The following GLRB variants were observed in gnomAD, a reference collection of about 807,000 sequenced individuals.
The protein encoded by GLRB is glycine receptor subunit beta.
A neutral mutation model predicts 54.2 loss-of-function variants in GLRB; 33 were observed. The observed-to-expected ratio is 0.61, with a 90% CI of 0.46 to 0.81. The LOEUF is 0.81. Among genes scored for constraint, GLRB ranks in the 40% least tolerant of loss-of-function variants. The probability of loss-of-function intolerance (pLI) is 0.00; values close to 1 mark genes in which losing one functional copy is unlikely to be tolerated. For synonymous variants in GLRB, 209 were observed against 208.2 expected, an observed-to-expected ratio of 1.00 and a Z score of -0.03; for missense variants, 572 against 584.6, an observed-to-expected ratio of 0.98 and a Z score of 0.22.
intron 2 of GLRB, among the ~76,000 whole-genome samples, chr4:157,109,412 C>G (rs1198703643): frequency 6.6e-6 from 1 of 151,734 alleles, no homozygotes; most frequent in Non-Finnish European, 1.5e-5. Flanking sequence ...TAATGCCTAT[C>G]TTGGTCTGCT....
At chr4:157,092,272 G>A (rs2126454797) in intron 2 of GLRB, among the ~76,000 whole-genome samples, 1 of 152,268 alleles carries the variant, frequency 6.6e-6, no homozygotes, top group Non-Finnish European at 1.5e-5. Flanking sequence ...ATACATTTGT[G>A]ACCTAGAATA....
intron 2 of GLRB, among the ~76,000 whole-genome samples, chr4:157,110,340 G>GT (rs1560947681): frequency 6.6e-6 from 1 of 151,674 alleles, no homozygotes; most frequent in African/African-American, 2.4e-5. Context: ...TCACTCTTTT[G>GT]TTTTTTCTTT....
In GLRB at chr4:157,138,948, G is replaced by C. The variant is rs758271072; in HGVS notation, c.750G>C (p.Thr250=). The C allele has an allele frequency of 7.3e-7, 1 of 1,373,342 alleles. No homozygotes were observed. The highest frequency in any genetic ancestry group is 1.0e-6 in the Non-Finnish European group (1 of 962,938). 85.1% of individuals were successfully genotyped at this position (1,373,342 alleles called of 1,614,324 possible). A position where few individuals can be genotyped will look rare whatever the true frequency, so the allele number is the denominator to read the frequency against. ...YGNCTKYYKG[T]GYYTCVEVIF... ...ACTGTACAAAATACTATAAAGGCAC[G>C]GGTAAGTAATATTCTTTAAATAAAA... is the stretch of plus-strand genomic sequence containing the variant. The change falls in exon 7 of 10, where the codon ACG becomes ACC. Residue 250 remains threonine (T), a splice_region_variant and synonymous_variant. Transcript: ENST00000264428.
intron 9 of GLRB, among the ~76,000 whole-genome samples, chr4:157,160,311 GC>G (rs1737428134): frequency 6.6e-6 from 1 of 151,774 alleles, no homozygotes; most frequent in Non-Finnish European, 1.5e-5. Flanking sequence ...TTTTTGAAGG[GC>G]TTTTTGTGCC....
intron 8 of GLRB, 22 bp from the exon 9 acceptor site, chr4:157,152,696 A>T (rs747442351): frequency 1.2e-6 from 2 of 1,607,102 alleles, no homozygotes; most frequent in South Asian, 1.1e-5. Flanking sequence ...AGCAACTTTC[A>T]TTCCTCTTTC....
chr4:157,150,597 C>A (rs1161327430), intron 8 of GLRB, among the ~76,000 whole-genome samples: 3 of 152,018 alleles, frequency 2.0e-5, no homozygotes, highest in Admixed American at 6.6e-5. Context: ...TCAAAAAGTT[C>A]TTTCAGATTC....
intron 2 of GLRB, among the ~76,000 whole-genome samples, chr4:157,118,226 A>T (rs1002568459): frequency 1.3e-5 from 2 of 151,690 alleles, no homozygotes; most frequent in African/African-American, 4.8e-5. Flanking sequence ...CTTGTAAAAG[A>T]TTTTATATGA....
chr4:157,077,604 A>T lies in GLRB; in HGVS notation c.-29-392A>T, dbSNP rs1257686629. Reference sequence around the variant, plus strand: ...GATACTTCCAAAGTACTAGCCGAAGATAATCATTTTAACGCTGTGTTAAAC... The same window carrying T: ...GATACTTCCAAAGTACTAGCCGAAGTTAATCATTTTAACGCTGTGTTAAAC... On this transcript the variant is annotated intron_variant, in intron 1 of 9. Coordinates refer to ENST00000264428, the MANE Select transcript of GLRB (RefSeq NM_000824.5). Among the ~76,000 whole-genome samples, 5 of 152,070 alleles carry T rather than the reference A, an allele frequency of 3.3e-5. No individual in the cohort carries two copies. The East Asian group carries it at 5.8e-4, about 18-fold the overall frequency.
At chr4:157,122,093 A>G (rs1416640610) in intron 3 of GLRB, among the ~76,000 whole-genome samples, 3 of 99,970 alleles carry the variant, frequency 3.0e-5, no homozygotes, top group Admixed American at 2.0e-4. Context: ...ATTCTTCCTG[A>G]AAAAAAAAAA....
intron 8 of GLRB, among the ~76,000 whole-genome samples, chr4:157,144,796 T>C (rs1266587416): frequency 6.6e-6 from 1 of 152,142 alleles, no homozygotes; most frequent in Non-Finnish European, 1.5e-5. Flanking sequence ...TGCAAATCTC[T>C]CTCCTGACTT....
At chr4:157,085,900 C>A (rs1315398486) in intron 2 of GLRB, among the ~76,000 whole-genome samples, 6 of 152,158 alleles carry the variant, frequency 3.9e-5, no homozygotes, top group African/African-American at 1.4e-4. Context: ...TTTCAAGGGG[C>A]TCCCTAACTT....
intron 2 of GLRB, among the ~76,000 whole-genome samples, chr4:157,107,450 G>A (rs1735267553): frequency 6.6e-6 from 1 of 152,120 alleles, no homozygotes; most frequent in African/African-American, 2.4e-5. Flanking sequence ...GCACATGAAT[G>A]ATAAGGAAGT....
At chr4:157,105,087 C>CT (rs1278325548) in intron 2 of GLRB, among the ~76,000 whole-genome samples, 27 of 149,556 alleles carry the variant, frequency 1.8e-4, no homozygotes, top group South Asian at 6.4e-4. Context: ...TAACTTTGGG[C>CT]TTTTTTTTTC....
Position 157,159,816 on chromosome 4 carries a change from A to C in GLRB, c.1197+6806A>C, listed in dbSNP as rs187713243. ...TCTCTTTTTTTGTTGTGGCTCTGCC[A>C]GGCTTTGGTATCAGGATGATGTTGG... On this transcript the variant is annotated intron_variant, in intron 9 of 9. Transcript: ENST00000264428. Among the ~76,000 whole-genome samples the C allele has an allele frequency of 3.6e-3, 546 of 152,274 alleles. 3 individuals carry two copies. Among genetic ancestry groups the C allele is most frequent in the African/African-American group, 0.013 (526 of 41,568 alleles).
At chr4:157,137,716 G>A (rs1415601834) in intron 6 of GLRB, among the ~76,000 whole-genome samples, 2 of 152,088 alleles carry the variant, frequency 1.3e-5, no homozygotes, top group African/African-American at 4.8e-5. Flanking sequence ...ATGAGATTTT[G>A]CACATGTATG....
At chr4:157,079,065 C>T (rs958773019) in intron 2 of GLRB, among the ~76,000 whole-genome samples, 18 of 152,152 alleles carry the variant, frequency 1.2e-4, no homozygotes, top group Non-Finnish European at 1.5e-5. Context: ...TGGTTCACCG[C>T]ACCTGGCCAA....
At chr4:157,160,065 G>A (rs1195253983) in intron 9 of GLRB, among the ~76,000 whole-genome samples, 2 of 152,010 alleles carry the variant, frequency 1.3e-5, no homozygotes, top group Admixed American at 1.3e-4. Context: ...GCCTTGGGAG[G>A]GTGTGTGTGT....
intron 8 of GLRB, among the ~76,000 whole-genome samples, chr4:157,147,206 G>A (rs1279589624): frequency 6.6e-6 from 1 of 152,186 alleles, no homozygotes; most frequent in Non-Finnish European, 1.5e-5. Context: ...GAATCACAGG[G>A]GAGTGAGCGT....
intron 2 of GLRB, among the ~76,000 whole-genome samples, chr4:157,091,973 C>T (rs889543367): frequency 6.6e-6 from 1 of 152,080 alleles, no homozygotes; most frequent in Non-Finnish European, 1.5e-5. Flanking sequence ...TCAAATGCTA[C>T]AAAAAATCAA....
Sources: gnomAD v4.1 joint callset for allele counts (sites outside exome capture counted in the v4.1 genomes callset) on GRCh38, gnomAD v4.1.1 for gene constraint, MANE v1.5 for transcripts, NCBI Gene and HGNC (gene_info 2026-07-23, HGNC 2026-07-21) for gene names.